GJB7: variants seen among roughly 807,000 people sequenced by gnomAD.
GJB7 encodes gap junction protein beta 7.
For synonymous variants in GJB7, 87 were observed against 95.2 expected (o/e 0.91, Z 0.50); for missense variants, 253 against 256.8 (o/e 0.99, Z 0.10).
chr6:87,305,650 A>T (rs1253258252), intron 2 of GJB7, among the ~76,000 whole-genome samples: 1 of 152,138 alleles, frequency 6.6e-6, no homozygotes, highest in Non-Finnish European at 1.5e-5. Context: ...TGCCAATGAC[A>T]TTCTTCACAG....
intron 2 of GJB7, among the ~76,000 whole-genome samples, chr6:87,303,271 T>C (rs977461555): frequency 6.6e-6 from 1 of 152,122 alleles, no homozygotes; most frequent in African/African-American, 2.4e-5. Flanking sequence ...TGTGCTGTAT[T>C]CAGGAGACCC....
intron 1 of GJB7, among the ~76,000 whole-genome samples, chr6:87,328,305 T>C (rs1275583036): frequency 6.6e-6 from 1 of 152,220 alleles, no homozygotes; most frequent in Non-Finnish European, 1.5e-5. Context: ...GGAACTGCGT[T>C]CCTTTGGAGG....
At chr6:87,299,142 A>G in intron 2 of GJB7, 1 of 470,344 alleles carries the variant, frequency 2.1e-6, no homozygotes, top group Non-Finnish European at 4.2e-6. Context: ...AAAGGCTTTG[A>G]AAAGATTAGC....
intron 2 of GJB7, among the ~76,000 whole-genome samples, chr6:87,320,028 TG>T (rs1246691859): frequency 2.0e-5 from 3 of 151,824 alleles, no homozygotes; most frequent in East Asian, 3.9e-4. Context: ...GTAGTGGGGA[TG>T]GGGGGAGTGG....
At chr6:87,295,714 C>G (rs1237981963) in intron 2 of GJB7, among the ~76,000 whole-genome samples, 1 of 152,058 alleles carries the variant, frequency 6.6e-6, no homozygotes, top group Non-Finnish European at 1.5e-5. Flanking sequence ...AGGACGTTGC[C>G]CCACACCATG....
intron 2 of GJB7, among the ~76,000 whole-genome samples, chr6:87,320,690 G>C (rs966668051): frequency 6.6e-6 from 1 of 152,178 alleles, no homozygotes; most frequent in East Asian, 1.9e-4. Flanking sequence ...TCTCAAAGCA[G>C]CGTGGGGGTG....
chr6:87,306,049 C>T (rs1367604398), intron 2 of GJB7, among the ~76,000 whole-genome samples: 9 of 151,694 alleles, frequency 5.9e-5, no homozygotes, highest in Non-Finnish European at 8.8e-5. Flanking sequence ...AAGACTTAAA[C>T]GTTAGACCTA....
chr6:87,305,551 C>A lies in GJB7; in HGVS notation c.-28+17315G>T, dbSNP rs191865719. 2.0e-5 allele frequency among the ~76,000 whole-genome samples: 3 copies of A among 152,196 alleles called. No individual in the cohort carries two copies. The East Asian group carries it at 5.8e-4, about 29-fold the overall frequency. On this transcript the variant is annotated intron_variant, in intron 2 of 2. Coordinates refer to ENST00000525899, the MANE Select transcript of GJB7 (RefSeq NM_198568.3). ...AGGATACAAACAAATGGAAGAACATCCCGTGCTCATGGATAGGAAGAATCA... is the reference window on the plus strand; with the variant it reads ...AGGATACAAACAAATGGAAGAACATACCGTGCTCATGGATAGGAAGAATCA...
intron 2 of GJB7, among the ~76,000 whole-genome samples, chr6:87,314,950 T>C (rs1188720875): frequency 6.6e-6 from 1 of 152,136 alleles, no homozygotes; most frequent in Non-Finnish European, 1.5e-5. Flanking sequence ...TAATAAACTT[T>C]TTTTAGGTAA....
At chr6:87,289,195 C>A (rs1030474030) in intron 2 of GJB7, among the ~76,000 whole-genome samples, 1 of 152,182 alleles carries the variant, frequency 6.6e-6, no homozygotes, top group Non-Finnish European at 1.5e-5. Context: ...CTCTGGTCCC[C>A]TTAACCTGAA....
At chr6:87,305,158 G>T (rs927095258) in intron 2 of GJB7, among the ~76,000 whole-genome samples, 1 of 152,162 alleles carries the variant, frequency 6.6e-6, no homozygotes, top group African/African-American at 2.4e-5. Flanking sequence ...TCAACATAGT[G>T]TTGGAAGTTC....
At chr6:87,285,149 C>G (rs1776038733) in intron 2 of GJB7, among the ~76,000 whole-genome samples, 1 of 152,196 alleles carries the variant, frequency 6.6e-6, no homozygotes, top group South Asian at 2.1e-4. Context: ...CCCATGTCCA[C>G]TTTAATTTGA....
chr6:87,284,196 G>A lies in GJB7; in HGVS notation c.*45C>T. On this transcript the variant is annotated 3_prime_UTR_variant, in exon 3 of 3. Coordinates refer to ENST00000525899, the MANE Select transcript of GJB7 (RefSeq NM_198568.3). ...AGTGTGAAGATTCTGGAGTAGGGGA[G>A]GGGTCCCTCTCCTACCACATTCAAC... The A allele has an allele frequency of 4.7e-6, 7 of 1,478,960 alleles. No individual in the cohort carries two copies. The highest frequency in any genetic ancestry group is 6.5e-6 in the Non-Finnish European group (7 of 1,075,132). The allele number at this position is 1,478,960 out of a possible 1,614,324, so 91.6% of individuals were successfully genotyped here.
At chr6:87,328,654 A>G (rs911961713) in intron 1 of GJB7, among the ~76,000 whole-genome samples, 4 of 152,172 alleles carry the variant, frequency 2.6e-5, no homozygotes, top group Non-Finnish European at 5.9e-5. Flanking sequence ...GCTCTCTTCA[A>G]AGCTGTCAGA....
chr6:87,302,876 C>A lies in GJB7; in HGVS notation c.-27-17937G>T, dbSNP rs375641406. 3.0e-3 allele frequency among the ~76,000 whole-genome samples: 451 copies of A among 152,120 alleles called. 9 individuals carry two copies. The highest frequency in any genetic ancestry group is 0.026 in the South Asian group (126 of 4,814). On this transcript the variant is annotated intron_variant, in intron 2 of 2. Transcript: ENST00000525899. Reference sequence around the variant, plus strand: ...AGAAGAGAGTGGGGGCCAATATTCACCATTCTTAAAGAAAAGAATTTTCAA... The same window carrying A: ...AGAAGAGAGTGGGGGCCAATATTCAACATTCTTAAAGAAAAGAATTTTCAA...
intron 2 of GJB7, among the ~76,000 whole-genome samples, chr6:87,288,945 T>C (rs61571427): frequency 8.1e-4 from 124 of 152,342 alleles, no homozygotes; most frequent in Admixed American, 1.8e-3. Context: ...GATTAACTTT[T>C]AAAATGGAGA....
chr6:87,298,404 A>G (rs141512780), intron 2 of GJB7, among the ~76,000 whole-genome samples: 180 of 152,342 alleles, frequency 1.2e-3, no homozygotes, highest in South Asian at 2.3e-3. Context: ...AGCTATTGGC[A>G]TATCTTGGTG....
rs116288661 is a variant in GJB7 at position 87,284,763 on chromosome 6, C to T, written c.150G>A (p.Glu50=). 1 of 1,613,988 alleles carries T rather than the reference C, an allele frequency of 6.2e-7. No individual in the cohort carries two copies. The highest frequency in any genetic ancestry group is 8.5e-7 in the Non-Finnish European group (1 of 1,180,028). ...CGGGCTGTCTACTGTTGCACTCAAA[C>T]TCTTTCTGCTCATCTTTCCACACGT... The part of the protein sequence containing the change: ...AEHVWKDEQK[E]FECNSRQPGC... The change falls in exon 3 of 3, where the codon GAG becomes GAA. Residue 50 remains glutamate, a synonymous_variant. Coordinates refer to ENST00000525899, the MANE Select transcript of GJB7 (RefSeq NM_198568.3).
intron 2 of GJB7, among the ~76,000 whole-genome samples, chr6:87,321,183 C>T (rs1776652621): frequency 6.8e-6 from 1 of 147,732 alleles, no homozygotes; most frequent in Non-Finnish European, 1.5e-5. Flanking sequence ...CATGCCACTG[C>T]ACTCCAGCCT....
Sources: allele counts gnomAD v4.1 joint callset (sites outside exome capture counted in the v4.1 genomes callset), GRCh38; gene constraint gnomAD v4.1.1; transcripts MANE v1.5; gene names NCBI Gene and HGNC (gene_info 2026-07-23, HGNC 2026-07-21).